The following PLCL1 variants were observed in gnomAD, a reference collection of about 807,000 sequenced individuals.
PLCL1 encodes inactive phospholipase C-like protein 1.
A neutral mutation model predicts 84.4 loss-of-function variants in PLCL1; 41 were observed. The observed-to-expected ratio is 0.49, with a 90% CI of 0.38 to 0.63. The LOEUF is 0.63. Ranked by LOEUF, PLCL1 falls within the 30% of genes least tolerant of loss-of-function variation. The pLI is 0.00. For missense variants in PLCL1, 1,206 were observed against 1,367.8 expected, an observed-to-expected ratio of 0.88 and a Z score of 1.87; for synonymous variants, 490 against 488.3, an observed-to-expected ratio of 1.00 and a Z score of -0.05.
chr2:198,147,178 A>C lies in PLCL1; in HGVS notation c.*216A>C. 2 of 394,710 alleles carry C rather than the reference A, an allele frequency of 5.1e-6. No homozygotes were observed. The highest frequency in any genetic ancestry group is 9.1e-6 in the Non-Finnish European group (2 of 219,662). The allele number at this position is 394,710 out of a possible 1,614,324, so 24.5% of individuals were successfully genotyped here. A position where few individuals can be genotyped will look rare whatever the true frequency, so the allele number is the denominator to read the frequency against. On this transcript the variant is annotated 3_prime_UTR_variant, in exon 6 of 6. Transcript: ENST00000428675. The stretch of plus-strand genomic sequence containing the variant: ...TTTAAATTCTGAGACATGTGTCAAC[A>C]CCCCTGTGTGGATGCCTGTGGAAGA...
At chr2:197,998,056 G>A (rs1690508459) in intron 1 of PLCL1, among the ~76,000 whole-genome samples, 1 of 152,114 alleles carries the variant, frequency 6.6e-6, no homozygotes, top group Admixed American at 6.5e-5. Context: ...GGCTTAGTGG[G>A]TGGGAGTGGT....
chr2:198,142,851 T>A (rs1694422019), intron 5 of PLCL1, among the ~76,000 whole-genome samples: 1 of 152,048 alleles, frequency 6.6e-6, no homozygotes, highest in Non-Finnish European at 1.5e-5. Flanking sequence ...CAAATCCCCA[T>A]GAGATTGCTA....
intron 5 of PLCL1, among the ~76,000 whole-genome samples, chr2:198,110,121 C>T (rs1693579342): frequency 6.6e-6 from 1 of 151,716 alleles, no homozygotes; most frequent in Non-Finnish European, 1.5e-5. Flanking sequence ...ATTACCTCTT[C>T]AATGGTCATT....
chr2:198,082,336 C>T lies in PLCL1; in HGVS notation c.241-1422C>T, dbSNP rs576205449. Among the ~76,000 whole-genome samples the T allele has an allele frequency of 3.4e-4, 51 of 152,046 alleles. 1 individual carries two copies. The South Asian group carries it at 8.9e-3, about 27-fold the overall frequency. On this transcript the variant is annotated intron_variant, in intron 1 of 5. Coordinates refer to ENST00000428675, the MANE Select transcript of PLCL1 (RefSeq NM_006226.4). Reference sequence around the variant, plus strand: ...GCACGTTCCTGTAATCCCAGCTACTCGGGAGGCTGAGGCAGGAGAATCGCT... The same window carrying T: ...GCACGTTCCTGTAATCCCAGCTACTTGGGAGGCTGAGGCAGGAGAATCGCT...
chr2:197,955,369 T>C (rs1689464501), intron 1 of PLCL1, among the ~76,000 whole-genome samples: 1 of 151,944 alleles, frequency 6.6e-6, no homozygotes, highest in African/African-American at 2.4e-5. Context: ...CAGAACTCTG[T>C]GTCCTGGTTG....
chr2:197,993,489 C>A (rs1011233811), intron 1 of PLCL1, among the ~76,000 whole-genome samples: 2 of 152,060 alleles, frequency 1.3e-5, no homozygotes, highest in Non-Finnish European at 2.9e-5. Context: ...CTGAGGAGAG[C>A]TTGGTGAAGA....
At chr2:198,096,553 C>T (rs1265114544) in intron 3 of PLCL1, among the ~76,000 whole-genome samples, 1 of 152,054 alleles carries the variant, frequency 6.6e-6, no homozygotes, top group Non-Finnish European at 1.5e-5. Flanking sequence ...GGAATAGCTA[C>T]AGGAGGTTGC....
intron 1 of PLCL1, among the ~76,000 whole-genome samples, chr2:198,051,316 A>G (rs1382555414): frequency 6.6e-6 from 1 of 152,186 alleles, no homozygotes; most frequent in African/African-American, 2.4e-5. Flanking sequence ...ACATTCGTAA[A>G]GATAGCAAAA....
At chr2:197,920,955 C>T (rs1222690172) in intron 1 of PLCL1, among the ~76,000 whole-genome samples, 3 of 152,176 alleles carry the variant, frequency 2.0e-5, no homozygotes, top group African/African-American at 7.2e-5. Flanking sequence ...TCATGTGTCG[C>T]TAACGACAGG....
intron 1 of PLCL1, among the ~76,000 whole-genome samples, chr2:197,869,154 G>T (rs1238820984): frequency 2.0e-5 from 3 of 152,100 alleles, no homozygotes; most frequent in Non-Finnish European, 4.4e-5. Flanking sequence ...AGGCTCTGAT[G>T]AGTGAAATGA....
At chr2:198,135,132 A>G (rs1694224450) in intron 5 of PLCL1, among the ~76,000 whole-genome samples, 1 of 152,158 alleles carries the variant, frequency 6.6e-6, no homozygotes, top group Non-Finnish European at 1.5e-5. Context: ...TGAAATGGGA[A>G]TAGCATGAGT....
chr2:197,931,686 A>ACCCC (rs1688937045), intron 1 of PLCL1, among the ~76,000 whole-genome samples: 1 of 27,704 alleles, frequency 3.6e-5, no homozygotes, highest in Non-Finnish European at 8.1e-5. Flanking sequence ...CCACCCACCC[A>ACCCC]CCCACCCACC....
At chr2:197,991,528 A>G (rs1023822726) in intron 1 of PLCL1, among the ~76,000 whole-genome samples, 1 of 151,916 alleles carries the variant, frequency 6.6e-6, no homozygotes, top group Non-Finnish European at 1.5e-5. Context: ...TTTGTCACCC[A>G]CTTTTGTTCT....
At chr2:197,878,643 A>ATG (rs944523027) in intron 1 of PLCL1, among the ~76,000 whole-genome samples, 7 of 151,762 alleles carry the variant, frequency 4.6e-5, no homozygotes, top group African/African-American at 1.5e-4. Context: ...GTGTGTGTGC[A>ATG]TGTGTGTGTG....
chr2:197,904,342 T>C (rs1688334671), intron 1 of PLCL1, among the ~76,000 whole-genome samples: 1 of 152,200 alleles, frequency 6.6e-6, no homozygotes, highest in Admixed American at 6.5e-5. Context: ...TCCGTTGTTT[T>C]TCTTCATGGT....
chr2:197,968,198 C>T (rs1027681103), intron 1 of PLCL1, among the ~76,000 whole-genome samples: 9 of 152,250 alleles, frequency 5.9e-5, no homozygotes, highest in South Asian at 2.1e-4. Flanking sequence ...AAAAATTAAG[C>T]TGTTTTCTGT....
intron 5 of PLCL1, among the ~76,000 whole-genome samples, chr2:198,135,419 A>G (rs1196633817): frequency 6.6e-6 from 1 of 152,202 alleles, no homozygotes; most frequent in Non-Finnish European, 1.5e-5. Flanking sequence ...AGATGATCAC[A>G]ATAATGGGAA....
At chr2:198,131,815 C>T (rs1032082710) in intron 5 of PLCL1, among the ~76,000 whole-genome samples, 19 of 152,148 alleles carry the variant, frequency 1.2e-4, no homozygotes, top group Admixed American at 8.5e-4. Context: ...TAAAATAAAA[C>T]GGGACTCATT....
At chr2:198,010,582 T>A (rs183796744) in intron 1 of PLCL1, among the ~76,000 whole-genome samples, 1 of 152,160 alleles carries the variant, frequency 6.6e-6, no homozygotes, top group East Asian at 1.9e-4. Flanking sequence ...GGTTTTTGCA[T>A]CAGTATTCAT....
Sources: allele counts gnomAD v4.1 joint callset (sites outside exome capture counted in the v4.1 genomes callset), GRCh38; gene constraint gnomAD v4.1.1; transcripts MANE v1.5; gene names NCBI Gene and HGNC (gene_info 2026-07-23, HGNC 2026-07-21).